TRDN: variants seen among roughly 807,000 people sequenced by gnomAD.
TRDN encodes the protein triadin in skeletal muscle.
A neutral mutation model predicts 149.7 loss-of-function variants in TRDN; 161 were observed. That is an observed-to-expected ratio of 1.08 (90% CI 0.95 to 1.23). TRDN has a LOEUF of 1.23. Ranked by LOEUF, TRDN falls within the 50% of genes most tolerant of loss-of-function variation. TRDN has a pLI of 0.00. For missense variants in TRDN, 896 were observed against 823.5 expected, an observed-to-expected ratio of 1.09 and a Z score of -1.08; for synonymous variants, 294 against 250.5, an observed-to-expected ratio of 1.17 and a Z score of -1.64.
chr6:123,474,657 T>C (rs1467636734), intron 9 of TRDN, among the ~76,000 whole-genome samples: 4 of 151,968 alleles, frequency 2.6e-5, no homozygotes, highest in Non-Finnish European at 4.4e-5. Flanking sequence ...TATTCCAAAA[T>C]TGACCACATA....
rs950963456 is a variant in TRDN, at chr6:123,352,587, C to T, written c.1322-1G>A. On this transcript the variant is annotated splice_acceptor_variant, in intron 20 of 40. Transcript: ENST00000334268. LOFTEE classifies it high-confidence loss of function. ...TTCTCTTCCTTCTTTCCAGGTACAG[C>T]TGCAAAACAAAGATAAGGTTTAAAG... 18 of 1,609,512 alleles carry T rather than the reference C, an allele frequency of 1.1e-5. No individual in the cohort carries two copies. Among genetic ancestry groups the T allele is most frequent in the Non-Finnish European group, 1.5e-5 (18 of 1,177,664 alleles).
At chr6:123,548,302 CA>C (rs1475116207) in intron 3 of TRDN, among the ~76,000 whole-genome samples, 151 bp downstream of exon 3, 1 of 151,952 alleles carries the variant, frequency 6.6e-6, no homozygotes, top group Non-Finnish European at 1.5e-5. Context: ...CTGTGTTTGG[CA>C]GCCTGTTGAT....
At chr6:123,243,313 A>C (rs911174821) in intron 38 of TRDN, among the ~76,000 whole-genome samples, 1 of 152,152 alleles carries the variant, frequency 6.6e-6, no homozygotes, top group Admixed American at 6.6e-5. Context: ...CACAGCCAAA[A>C]TCAAAGCAAC....
chr6:123,630,398 C>T (rs1380764190), intron 1 of TRDN, among the ~76,000 whole-genome samples: 1 of 151,882 alleles, frequency 6.6e-6, no homozygotes, highest in Non-Finnish European at 1.5e-5. Context: ...TTTAAAATTG[C>T]TTAGTTGCAC....
intron 24 of TRDN, among the ~76,000 whole-genome samples, chr6:123,302,807 C>A (rs921691852): frequency 6.6e-6 from 1 of 152,034 alleles, no homozygotes; most frequent in African/African-American, 2.4e-5. Context: ...TGTTAAAATG[C>A]AAGTTCTTAT....
chr6:123,268,792 A>T (rs1777104149), intron 31 of TRDN, among the ~76,000 whole-genome samples: 1 of 152,084 alleles, frequency 6.6e-6, no homozygotes, highest in South Asian at 2.1e-4. Context: ...ATAGTAAATA[A>T]GCATTCAAAA....
chr6:123,311,313 G>A (rs1439653433), intron 24 of TRDN, among the ~76,000 whole-genome samples: 1 of 151,868 alleles, frequency 6.6e-6, no homozygotes. Context: ...TCGCCCCCAT[G>A]ATCCAATCAC....
At chr6:123,261,122 A>G (rs191123789) in intron 33 of TRDN, among the ~76,000 whole-genome samples, 3 of 151,946 alleles carry the variant, frequency 2.0e-5, no homozygotes, top group Admixed American at 1.3e-4. Flanking sequence ...CCAAGTTAAA[A>G]ATAAAATAAA....
At chr6:123,410,004 C>T (rs975180337) in intron 12 of TRDN, among the ~76,000 whole-genome samples, 14 of 151,916 alleles carry the variant, frequency 9.2e-5, no homozygotes, top group African/African-American at 2.7e-4. Flanking sequence ...GAGCAAAGGG[C>T]GATGAAAGAG....
intron 7 of TRDN, among the ~76,000 whole-genome samples, chr6:123,506,423 A>G (rs1368665747): frequency 1.3e-5 from 2 of 151,848 alleles, no homozygotes; most frequent in Non-Finnish European, 2.9e-5. Context: ...GTCAGACTGC[A>G]TTCTCTATAT....
intron 38 of TRDN, among the ~76,000 whole-genome samples, chr6:123,241,559 C>T (rs1398028942): frequency 1.3e-5 from 2 of 151,130 alleles, no homozygotes; most frequent in African/African-American, 4.9e-5. Context: ...AAATGCAGAA[C>T]CAAAATACTA....
chr6:123,473,085 C>T (rs1254726506), intron 9 of TRDN, among the ~76,000 whole-genome samples: 1 of 152,226 alleles, frequency 6.6e-6, no homozygotes, highest in Admixed American at 6.5e-5. Flanking sequence ...TGGAACAAAG[C>T]TGGATGGAGA....
At chr6:123,270,202 A>C (rs893638715) in intron 30 of TRDN, among the ~76,000 whole-genome samples, 6 of 152,028 alleles carry the variant, frequency 3.9e-5, no homozygotes, top group African/African-American at 1.4e-4. Flanking sequence ...GTGCAAATTA[A>C]AGGAACATTT....
intron 23 of TRDN, among the ~76,000 whole-genome samples, chr6:123,324,402 C>T (rs1007926398): frequency 3.9e-5 from 6 of 151,968 alleles, no homozygotes; most frequent in African/African-American, 1.4e-4. Flanking sequence ...AGCTCTTGAG[C>T]CCAGGAGTTT....
At chr6:123,321,892 G>C (rs570443288) in intron 23 of TRDN, among the ~76,000 whole-genome samples, 24 of 151,850 alleles carry the variant, frequency 1.6e-4, no homozygotes, top group Non-Finnish European at 1.2e-4. Flanking sequence ...CACTGCCTTT[G>C]AGTTTGATTT....
At chr6:123,497,354 A>G in intron 8 of TRDN, 102 bp from the exon 9 acceptor site, 1 of 743,426 alleles carries the variant, frequency 1.3e-6, no homozygotes, top group Admixed American at 3.8e-5. Context: ...GCACAATTCT[A>G]TTTTGGTTAC....
chr6:123,315,022 A>C (rs1582860031), intron 24 of TRDN, among the ~76,000 whole-genome samples: 4 of 152,150 alleles, frequency 2.6e-5, no homozygotes, highest in Admixed American at 2.6e-4. Flanking sequence ...AGTAACAATA[A>C]TAAAATAGAC....
At chr6:123,400,160 T>C (rs1038138668) in intron 12 of TRDN, among the ~76,000 whole-genome samples, 34 of 112,190 alleles carry the variant, frequency 3.0e-4, no homozygotes, top group Non-Finnish European at 4.7e-4. Context: ...ATAAAGAATA[T>C]GTATGTGTAT....
chr6:123,473,807 A>G (rs1413981339), intron 9 of TRDN, among the ~76,000 whole-genome samples: 1 of 152,146 alleles, frequency 6.6e-6, no homozygotes. Flanking sequence ...CTTAAAGAAA[A>G]GAATTTTCAA....
Sources: allele counts gnomAD v4.1 joint callset (sites outside exome capture counted in the v4.1 genomes callset), GRCh38; gene constraint gnomAD v4.1.1; transcripts MANE v1.5; gene names NCBI Gene and HGNC (gene_info 2026-07-23, HGNC 2026-07-21).